The following RFX4 variants were observed in gnomAD, a reference collection of about 807,000 sequenced individuals.
The protein encoded by RFX4 is regulatory factor X4.
A neutral mutation model predicts 95.0 loss-of-function variants in RFX4; 10 were observed. The observed-to-expected ratio is 0.11, with a 90% CI of 0.06 to 0.18. The LOEUF (loss-of-function observed/expected upper bound fraction) is 0.18. Ranked by LOEUF, RFX4 falls within the 10% of genes least tolerant of loss-of-function variation. The pLI is 1.00. For synonymous variants in RFX4, 321 were observed against 340.7 expected, an observed-to-expected ratio of 0.94 and a Z score of 0.64; for missense variants, 640 against 922.0, an observed-to-expected ratio of 0.69 and a Z score of 3.96.
chr12:106,626,430 G>A (rs1188482933), intron 2 of RFX4, among the ~76,000 whole-genome samples: 2 of 152,134 alleles, frequency 1.3e-5, no homozygotes, highest in African/African-American at 4.8e-5. Flanking sequence ...TTTCCAGATT[G>A]GCTTGAACAG....
In RFX4 at chr12:106,608,781, T is replaced by TTTC. The variant is rs554357112; in HGVS notation, c.44-14_44-13insCTT. 7.3e-5 allele frequency: 9 copies of TTTC among 124,028 alleles called. No individual in the cohort carries two copies. The highest frequency in any genetic ancestry group is 4.0e-4 in the South Asian group (2 of 4,986). 7.7% of individuals were successfully genotyped at this position (124,028 alleles called of 1,614,324 possible). A position where few individuals can be genotyped will look rare whatever the true frequency, so the allele number is the denominator to read the frequency against. ...TCTTTTTCTTTTCTTTCTTTCTTTCTTTTTTTTTTTTTTAGAGAGCTGGAT... is the reference window on the plus strand; with the variant it reads ...TCTTTTTCTTTTCTTTCTTTCTTTCTTTCTTTTTTTTTTTTTAGAGAGCTGGAT... On this transcript the variant is annotated splice_polypyrimidine_tract_variant and intron_variant, in intron 1 of 17. Coordinates refer to ENST00000392842, the MANE Select transcript of RFX4 (RefSeq NM_213594.3).
At chr12:106,723,682 A>G (rs1452780870) in intron 13 of RFX4, among the ~76,000 whole-genome samples, 1 of 152,204 alleles carries the variant, frequency 6.6e-6, no homozygotes, top group East Asian at 1.9e-4. Flanking sequence ...ACAAGAGGCC[A>G]TGACCAAGCC....
In RFX4 at chr12:106,633,338, T is replaced by G. The variant is rs12314962; in HGVS notation, c.131-5994T>G. On this transcript the variant is annotated intron_variant, in intron 2 of 17. Coordinates refer to ENST00000392842, the MANE Select transcript of RFX4 (RefSeq NM_213594.3). ...GTTTCCATTCACCAGCTACATGGCC[T>G]CATGCAATTATTCACCCTCACCAAA... Among the ~76,000 whole-genome samples, 304 of 152,350 alleles carry G rather than the reference T, an allele frequency of 2.0e-3. 1 individual carries two copies. The highest frequency in any genetic ancestry group is 7.0e-3 in the African/African-American group (291 of 41,580).
At chr12:106,722,689 G>A (rs2042417953) in intron 13 of RFX4, among the ~76,000 whole-genome samples, 2 of 152,202 alleles carry the variant, frequency 1.3e-5, no homozygotes, top group Admixed American at 1.3e-4. Context: ...TCAACCCTGA[G>A]TGGGTTGAAA....
chr12:106,694,330 T>A (rs2137443515), intron 7 of RFX4, among the ~76,000 whole-genome samples: 1 of 152,310 alleles, frequency 6.6e-6, no homozygotes, highest in Non-Finnish European at 1.5e-5. Context: ...GGGAAGCCTA[T>A]TCACAGGAGG....
intron 8 of RFX4, among the ~76,000 whole-genome samples, chr12:106,707,997 G>C (rs2042119281): frequency 6.6e-6 from 1 of 152,150 alleles, no homozygotes; most frequent in Non-Finnish European, 1.5e-5. Flanking sequence ...AGCTGAGCGT[G>C]GTGGTGTGTG....
At chr12:106,664,327 G>T (rs868056440) in intron 4 of RFX4, among the ~76,000 whole-genome samples, 1 of 151,650 alleles carries the variant, frequency 6.6e-6, no homozygotes, top group African/African-American at 2.4e-5. Flanking sequence ...CTAGATTATC[G>T]AATCTGTGGG....
chr12:106,643,469 G>A (rs967730831), intron 3 of RFX4, among the ~76,000 whole-genome samples: 3 of 152,146 alleles, frequency 2.0e-5, no homozygotes, highest in Non-Finnish European at 4.4e-5. Context: ...TGCTTAAAAC[G>A]GTGTGGAGAA....
At chr12:106,688,569 T>C (rs967746135) in intron 6 of RFX4, among the ~76,000 whole-genome samples, 2 of 152,198 alleles carry the variant, frequency 1.3e-5, no homozygotes, top group African/African-American at 4.8e-5. Flanking sequence ...TGCATGTCTA[T>C]GTTCTAAAAT....
At chr12:106,698,635 C>G (rs2137457498) in intron 8 of RFX4, among the ~76,000 whole-genome samples, 1 of 151,676 alleles carries the variant, frequency 6.6e-6, no homozygotes, top group Admixed American at 6.6e-5. Context: ...TAATGTCTTT[C>G]TCTTATTTAG....
At chr12:106,753,529 A>T (rs1199536780) in intron 17 of RFX4, among the ~76,000 whole-genome samples, 1 of 152,162 alleles carries the variant, frequency 6.6e-6, no homozygotes, top group African/African-American at 2.4e-5. Context: ...GAAGTCCAGT[A>T]TCCTCAGGTC....
intron 4 of RFX4, among the ~76,000 whole-genome samples, chr12:106,669,266 G>C (rs1368905427): frequency 6.6e-6 from 1 of 152,198 alleles, no homozygotes; most frequent in Non-Finnish European, 1.5e-5. Context: ...GGCTGAGAGT[G>C]TGGAAGAGAC....
chr12:106,627,895 G>A (rs542769313), intron 2 of RFX4, among the ~76,000 whole-genome samples: 13 of 152,310 alleles, frequency 8.5e-5, no homozygotes, highest in East Asian at 3.9e-4. Flanking sequence ...GCAGAAAGGC[G>A]TTCAGGCAGC....
intron 2 of RFX4, among the ~76,000 whole-genome samples, chr12:106,610,438 C>A (rs1206233842): frequency 6.6e-6 from 1 of 152,150 alleles, no homozygotes; most frequent in Admixed American, 6.5e-5. Context: ...TAAACTGAAA[C>A]TCTGTACCCA....
intron 1 of RFX4, among the ~76,000 whole-genome samples, chr12:106,594,884 G>A (rs2039596207): frequency 2.0e-5 from 3 of 152,106 alleles, no homozygotes; most frequent in Admixed American, 2.0e-4. Context: ...TTTTGAGAAG[G>A]AAGGGAGAAA....
At chr12:106,706,543 T>C (rs1468611532) in intron 8 of RFX4, among the ~76,000 whole-genome samples, 1 of 152,064 alleles carries the variant, frequency 6.6e-6, no homozygotes, top group African/African-American at 2.4e-5. Flanking sequence ...GTGTCCAAAA[T>C]AGCGTATGCA....
Position 106,747,422 on chromosome 12 carries a change from A to C in RFX4, c.1634-15A>C. On this transcript the variant is annotated splice_polypyrimidine_tract_variant and intron_variant, in intron 15 of 17. Transcript: ENST00000392842. ...GAACTGTTAATGATCAAGACGTCTT[A>C]ATTTGTCTCTGCAGGAGCAATGCAG... 1 of 1,611,148 alleles carries C rather than the reference A, an allele frequency of 6.2e-7. No homozygotes were observed. The highest frequency in any genetic ancestry group is 1.1e-5 in the South Asian group (1 of 90,950).
At position 106,720,651 on chromosome 12, in the gene RFX4, T is replaced by G. The variant is rs1010397818; in HGVS notation, c.1234-108T>G. 4.6e-6 allele frequency: 5 copies of G among 1,076,618 alleles called. No individual in the cohort carries two copies. The highest frequency in any genetic ancestry group is 7.1e-6 in the Non-Finnish European group (5 of 705,792). The allele number at this position is 1,076,618 out of a possible 1,614,324, so 66.7% of individuals were successfully genotyped here. ...ATCCGCCCACCTTGGCCTCCCAAAG[T>G]GCTGGGATTACAGGCGTGAGCCACT... On this transcript the variant is annotated intron_variant, in intron 12 of 17. Coordinates refer to ENST00000392842, the MANE Select transcript of RFX4 (RefSeq NM_213594.3). The surrounding 1 kb of genome is among the most constrained non-coding windows in gnomAD (Gnocchi z 4.2).
intron 7 of RFX4, among the ~76,000 whole-genome samples, chr12:106,690,236 G>C (rs549098578): frequency 6.6e-6 from 1 of 152,304 alleles, no homozygotes; most frequent in Non-Finnish European, 1.5e-5. Flanking sequence ...CACAGCTCCA[G>C]ACAAGATGGG....
Sources: allele counts gnomAD v4.1 joint callset (sites outside exome capture counted in the v4.1 genomes callset), GRCh38; gene constraint gnomAD v4.1.1; non-coding constraint Gnocchi (gnomAD v3.1); transcripts MANE v1.5; gene names NCBI Gene and HGNC (gene_info 2026-07-23, HGNC 2026-07-21).